The following FAM107B variants were observed in gnomAD, a reference collection of about 807,000 sequenced individuals.
The protein encoded by FAM107B is family with sequence similarity 107 member B.
In FAM107B, 21 loss-of-function variants were observed where a neutral mutation model predicts 31.5. The ratio of observed to expected loss-of-function variants is 0.67; its 90% CI spans 0.47 to 0.96. FAM107B has a LOEUF of 0.96. Ranked by LOEUF, FAM107B falls within the 40% of genes least tolerant of loss-of-function variation. FAM107B has a pLI of 0.00. For missense variants in FAM107B, 452 were observed against 377.1 expected (o/e 1.20, Z -1.64); for synonymous variants, 157 against 141.5 (o/e 1.11, Z -0.78).
intron 2 of FAM107B, among the ~76,000 whole-genome samples, chr10:14,641,290 G>T (rs1225796951): frequency 6.6e-6 from 1 of 152,104 alleles, no homozygotes. Flanking sequence ...GTATTTTGGG[G>T]TCCTCTGGCA....
At chr10:14,557,600 G>T (rs1467349916) in intron 2 of FAM107B, among the ~76,000 whole-genome samples, 3 of 152,190 alleles carry the variant, frequency 2.0e-5, no homozygotes, top group Non-Finnish European at 4.4e-5. Context: ...CAATGATGAT[G>T]GTTTGGTTCC....
chr10:14,708,460 G>T (rs1400216794), intron 1 of FAM107B, among the ~76,000 whole-genome samples: 1 of 152,150 alleles, frequency 6.6e-6, no homozygotes, highest in African/African-American at 2.4e-5. Flanking sequence ...ACAGTCATCT[G>T]CAGTGAAGAC....
intron 1 of FAM107B, among the ~76,000 whole-genome samples, chr10:14,742,231 C>T (rs928074042): frequency 1.3e-5 from 2 of 152,082 alleles, no homozygotes; most frequent in Non-Finnish European, 2.9e-5. Context: ...GTCCTCCCAC[C>T]TTGGCCTCCT....
At chr10:14,773,559 G>T (rs904869382) in intron 1 of FAM107B, among the ~76,000 whole-genome samples, 10 of 152,156 alleles carry the variant, frequency 6.6e-5, no homozygotes, top group Non-Finnish European at 1.0e-4. Flanking sequence ...TAATTGTACA[G>T]CTCCATCTAA....
intron 1 of FAM107B, among the ~76,000 whole-genome samples, chr10:14,759,975 G>A (rs776681665): frequency 6.6e-6 from 1 of 152,144 alleles, no homozygotes; most frequent in Non-Finnish European, 1.5e-5. Flanking sequence ...GTCTCCCTAA[G>A]TGCTGGGATT....
At chr10:14,555,451 T>G (rs1849612227) in intron 2 of FAM107B, among the ~76,000 whole-genome samples, 1 of 152,238 alleles carries the variant, frequency 6.6e-6, no homozygotes, top group East Asian at 1.9e-4. Flanking sequence ...CTGACATAAT[T>G]TAATGCCTGA....
chr10:14,614,008 G>A (rs1852790423), intron 2 of FAM107B, among the ~76,000 whole-genome samples: 1 of 152,124 alleles, frequency 6.6e-6, no homozygotes. Context: ...GCGGGCGCCT[G>A]TAGTCCCAGC....
intron 2 of FAM107B, among the ~76,000 whole-genome samples, chr10:14,543,629 G>GA (rs1372033019): frequency 1.7e-5 from 2 of 117,528 alleles, no homozygotes; most frequent in South Asian, 2.8e-4. Context: ...AGCACTTCCA[G>GA]AAAAAAGAAA....
intron 2 of FAM107B, among the ~76,000 whole-genome samples, chr10:14,648,826 A>T (rs1411609215): frequency 6.6e-6 from 1 of 152,202 alleles, no homozygotes; most frequent in Non-Finnish European, 1.5e-5. Context: ...CATTCCATAA[A>T]TATTTATCGA....
Position 14,612,666 on chromosome 10 carries a change from G to A in FAM107B, c.469+54968C>T, listed in dbSNP as rs573061000. 5 of 152,204 alleles carry A rather than the reference G, an allele frequency of 3.3e-5. No individual in the cohort carries two copies. The East Asian group carries it at 9.6e-4, about 29-fold the overall frequency. The allele number at this position is 152,204 out of a possible 1,614,324, so 9.4% of individuals were successfully genotyped here. A position where few individuals can be genotyped will look rare whatever the true frequency, so the allele number is the denominator to read the frequency against. On this transcript the variant is annotated intron_variant, in intron 2 of 4. Coordinates refer to ENST00000181796, the MANE Select transcript of FAM107B (RefSeq NM_031453.4). ...CATTTCATACACAAATAATTACAAG[G>A]ACAAAATAAAGAAATACAAAGATAT...
intron 2 of FAM107B, among the ~76,000 whole-genome samples, chr10:14,563,877 C>T (rs940046329): frequency 7.2e-5 from 11 of 152,086 alleles, no homozygotes; most frequent in Admixed American, 1.3e-4. Flanking sequence ...AAAACAATGT[C>T]GCTCTTCTCA....
chr10:14,708,545 T>C (rs898926936), intron 1 of FAM107B, among the ~76,000 whole-genome samples: 2 of 152,038 alleles, frequency 1.3e-5, no homozygotes, highest in East Asian at 1.9e-4. Context: ...AGTGGTAAAG[T>C]GAATGTGCAG....
intron 2 of FAM107B, among the ~76,000 whole-genome samples, chr10:14,535,324 A>G (rs1847495896): frequency 6.6e-6 from 1 of 152,206 alleles, no homozygotes; most frequent in Non-Finnish European, 1.5e-5. Flanking sequence ...AAAACTGAGT[A>G]AAATGTATAT....
intron 2 of FAM107B, among the ~76,000 whole-genome samples, chr10:14,658,730 G>C (rs1854139502): frequency 6.6e-6 from 1 of 152,184 alleles, no homozygotes; most frequent in South Asian, 2.1e-4. Context: ...AGTTTAAAAA[G>C]AGCAAGGGTT....
chr10:14,687,851 GCA>G (rs1855027472), intron 1 of FAM107B, among the ~76,000 whole-genome samples: 1 of 152,066 alleles, frequency 6.6e-6, no homozygotes, highest in African/African-American at 2.4e-5. Context: ...ACACATACGT[GCA>G]CACACACAAA....
At chr10:14,543,345 T>C (rs948209408) in intron 2 of FAM107B, among the ~76,000 whole-genome samples, 1 of 152,170 alleles carries the variant, frequency 6.6e-6, no homozygotes, top group African/African-American at 2.4e-5. Flanking sequence ...CTAAAAAACA[T>C]GACTGGCACA....
chr10:14,713,478 A>T (rs1248454808), intron 1 of FAM107B, among the ~76,000 whole-genome samples: 1 of 152,200 alleles, frequency 6.6e-6, no homozygotes, highest in Admixed American at 6.5e-5. Context: ...ATCTCTTGCC[A>T]TTTCTGGAAG....
intron 2 of FAM107B, among the ~76,000 whole-genome samples, chr10:14,599,821 C>G (rs960187669): frequency 6.6e-6 from 1 of 150,554 alleles, no homozygotes; most frequent in African/African-American, 2.5e-5. Context: ...AGCGTGTACC[C>G]TGCTGTGGGA....
chr10:14,523,503 C>T (rs1382316775), intron 3 of FAM107B, among the ~76,000 whole-genome samples: 1 of 152,178 alleles, frequency 6.6e-6, no homozygotes, highest in East Asian at 1.9e-4. Context: ...CAGGATGGGC[C>T]TGAGCACCTC....
Sources: gnomAD v4.1 joint callset for allele counts (sites outside exome capture counted in the v4.1 genomes callset) on GRCh38, gnomAD v4.1.1 for gene constraint, MANE v1.5 for transcripts, NCBI Gene and HGNC (gene_info 2026-07-23, HGNC 2026-07-21) for gene names.